The following SMURF1 variants were observed in gnomAD, a reference collection of about 807,000 sequenced individuals.
SMURF1 encodes SMAD specific E3 ubiquitin protein ligase 1, also known as E3 ubiquitin-protein ligase SMURF1.
Under a neutral mutation model 98.0 loss-of-function variants are expected in SMURF1, and 44 were observed. That is an observed-to-expected ratio of 0.45 (90% CI 0.35 to 0.58). The LOEUF (loss-of-function observed/expected upper bound fraction) is 0.58, where lower values mean the gene tolerates loss of function less well. SMURF1 is among the 20% of genes least tolerant of loss of function. The pLI, the probability that SMURF1 is intolerant of heterozygous loss-of-function variation, is 0.00. For missense variants in SMURF1, 687 were observed against 938.4 expected (o/e 0.73, Z 3.50); for synonymous variants, 396 against 374.9 (o/e 1.06, Z -0.65).
intron 1 of SMURF1, among the ~76,000 whole-genome samples, chr7:99,103,098 C>T (rs956775612): frequency 6.6e-6 from 1 of 152,126 alleles, no homozygotes; most frequent in South Asian, 2.1e-4. Flanking sequence ...CCACCACACC[C>T]GGTTACAATC....
At chr7:99,072,464 T>G (rs1796349902) in intron 1 of SMURF1, among the ~76,000 whole-genome samples, 1 of 151,948 alleles carries the variant, frequency 6.6e-6, no homozygotes, top group Non-Finnish European at 1.5e-5. Flanking sequence ...ACCAACGCAG[T>G]GAAACCCTAC....
chr7:99,058,180 G>A (rs755674362), intron 3 of SMURF1, among the ~76,000 whole-genome samples: 17 of 151,494 alleles, frequency 1.1e-4, no homozygotes, highest in Non-Finnish European at 2.1e-4. Flanking sequence ...CGCCCAGGCC[G>A]GAGTGCAATG....
intron 7 of SMURF1, among the ~76,000 whole-genome samples, chr7:99,051,839 T>C (rs1054379021): frequency 6.6e-6 from 1 of 152,196 alleles, no homozygotes; most frequent in South Asian, 2.1e-4. Context: ...TCCGCACTTA[T>C]GGCACAGGCT....
At chr7:99,103,375 G>A (rs1263810885) in intron 1 of SMURF1, among the ~76,000 whole-genome samples, 1 of 152,034 alleles carries the variant, frequency 6.6e-6, no homozygotes, top group East Asian at 1.9e-4. Flanking sequence ...AAGACACCGG[G>A]GAAAGGTATT....
At chr7:99,040,975 G>A (rs1795354596) in intron 12 of SMURF1, among the ~76,000 whole-genome samples, 1 of 152,166 alleles carries the variant, frequency 6.6e-6, no homozygotes, top group South Asian at 2.1e-4. Context: ...AAAAGGGCAA[G>A]TTCCCTTCCT....
intron 1 of SMURF1, among the ~76,000 whole-genome samples, chr7:99,068,947 T>G (rs1309977203): frequency 2.6e-5 from 4 of 152,146 alleles, no homozygotes; most frequent in Non-Finnish European, 4.4e-5. Flanking sequence ...TTCCCAAACG[T>G]CAGTCTGTGA....
intron 17 of SMURF1, chr7:99,032,810 A>G: frequency 2.9e-6 from 2 of 679,980 alleles, no homozygotes; most frequent in Admixed American, 2.4e-5. Flanking sequence ...CGCTCTATAC[A>G]GTGTCGTAAT....
chr7:99,040,600 G>T (rs370768035), intron 12 of SMURF1, 44 bp from the exon 13 acceptor site: 3 of 1,369,372 alleles, frequency 2.2e-6, no homozygotes, highest in Non-Finnish European at 2.9e-6. Flanking sequence ...GCATGGTGCC[G>T]GCCAATGTGG....
At chr7:99,043,175 G>A (rs994031040) in intron 11 of SMURF1, among the ~76,000 whole-genome samples, 16 of 152,152 alleles carry the variant, frequency 1.1e-4, no homozygotes, top group African/African-American at 3.4e-4. Flanking sequence ...CATGGACAGC[G>A]TAAAGATACA....
rs529380364 is a variant in SMURF1 at position 99,033,468 on chromosome 7, C to T, written c.2012-347G>A. ...AACAGGTACATGCCACCACGCCTGG[C>T]TAATTGTTGTATTTTTAGTAGAGAC... On this transcript the variant is annotated intron_variant, in intron 16 of 17. Coordinates refer to ENST00000361368, the MANE Select transcript of SMURF1 (RefSeq NM_181349.3). Among the ~76,000 whole-genome samples, 3 of 152,260 alleles carry T rather than the reference C, an allele frequency of 2.0e-5. No individual in the cohort carries two copies. The East Asian group carries it at 5.8e-4, about 29-fold the overall frequency.
At chr7:99,059,255 G>A (rs1200329610) in intron 3 of SMURF1, among the ~76,000 whole-genome samples, 7 of 149,348 alleles carry the variant, frequency 4.7e-5, no homozygotes, top group Admixed American at 1.3e-4. Flanking sequence ...AAAAATAGCC[G>A]GGCGTAGTGG....
At chr7:99,078,329 C>G (rs1796508944) in intron 1 of SMURF1, among the ~76,000 whole-genome samples, 1 of 151,256 alleles carries the variant, frequency 6.6e-6, no homozygotes, top group African/African-American at 2.4e-5. Context: ...TAATTTCACA[C>G]TTCCAACTTG....
intron 3 of SMURF1, among the ~76,000 whole-genome samples, chr7:99,058,153 C>A (rs748886748): frequency 2.0e-5 from 3 of 151,206 alleles, no homozygotes; most frequent in African/African-American, 7.3e-5. Context: ...TTTTTTGAGA[C>A]GGAATTTTGC....
At chr7:99,038,141 GA>G (rs1795225120) in intron 14 of SMURF1, among the ~76,000 whole-genome samples, 1 of 152,118 alleles carries the variant, frequency 6.6e-6, no homozygotes, top group Non-Finnish European at 1.5e-5. Flanking sequence ...GGTGGTCACT[GA>G]AAAGTCCTTC....
intron 4 of SMURF1, 37 bp from the exon 5 acceptor site, chr7:99,057,307 G>A (rs746026570): frequency 1.4e-5 from 23 of 1,613,746 alleles, no homozygotes; most frequent in African/African-American, 2.7e-5. Context: ...CCCAAGGAAC[G>A]TGAACTAGGG....
intron 1 of SMURF1, among the ~76,000 whole-genome samples, chr7:99,136,512 T>C (rs1797996624): frequency 2.6e-5 from 4 of 152,248 alleles, no homozygotes; most frequent in African/African-American, 7.2e-5. Context: ...CTTTTAAAGA[T>C]ATATCATAAC....
chr7:99,135,059 A>AT (rs1365035437), intron 1 of SMURF1, among the ~76,000 whole-genome samples: 2 of 152,212 alleles, frequency 1.3e-5, no homozygotes, highest in Non-Finnish European at 2.9e-5. Flanking sequence ...GGAAGTCCTT[A>AT]TAAATATGAG....
At chr7:99,072,575 G>A (rs1343604374) in intron 1 of SMURF1, among the ~76,000 whole-genome samples, 2 of 152,134 alleles carry the variant, frequency 1.3e-5, no homozygotes, top group Admixed American at 6.5e-5. Flanking sequence ...CCTGGGGGAC[G>A]AAGGCTGCAG....
At chr7:99,078,090 G>A (rs1796503600) in intron 1 of SMURF1, among the ~76,000 whole-genome samples, 1 of 152,092 alleles carries the variant, frequency 6.6e-6, no homozygotes, top group Non-Finnish European at 1.5e-5. Context: ...CCTGAGGTCA[G>A]GAGTTCAAGA....
Sources: allele counts gnomAD v4.1 joint callset (sites outside exome capture counted in the v4.1 genomes callset), GRCh38; gene constraint gnomAD v4.1.1; transcripts MANE v1.5; gene names NCBI Gene and HGNC (gene_info 2026-07-23, HGNC 2026-07-21).